Variants in UBE3B observed in about 807,000 individuals in gnomAD.
The protein encoded by UBE3B is ubiquitin-protein ligase E3B.
Under a neutral mutation model 132.3 loss-of-function variants are expected in UBE3B, and 80 were observed. The ratio of observed to expected loss-of-function variants is 0.60; its 90% CI spans 0.50 to 0.73. The LOEUF is 0.73. Ranked by LOEUF, UBE3B falls within the 30% of genes least tolerant of loss-of-function variation. The pLI, the probability that UBE3B is intolerant of heterozygous loss-of-function variation, is 0.00. For missense variants in UBE3B, 1,196 were observed against 1,362.5 expected, an observed-to-expected ratio of 0.88 and a Z score of 1.92; for synonymous variants, 487 against 520.4, an observed-to-expected ratio of 0.94 and a Z score of 0.87.
intron 9 of UBE3B, among the ~76,000 whole-genome samples, chr12:109,496,903 GT>G (rs924258103): frequency 1.3e-5 from 2 of 152,056 alleles, no homozygotes; most frequent in Admixed American, 6.6e-5. Flanking sequence ...CAACTTACCT[GT>G]TTTTTTCTTT....
chr12:109,488,699 A>C, intron 7 of UBE3B, 31 bp downstream of exon 7: 1 of 1,599,240 alleles, frequency 6.3e-7, no homozygotes, highest in Non-Finnish European at 8.6e-7. Context: ...AATGTTCTCT[A>C]ACCAACATTT....
rs938294496 is a variant in UBE3B at position 109,486,183 on chromosome 12, T to C, written c.342+112T>C. On this transcript the variant is annotated intron_variant, in intron 5 of 27. Coordinates refer to ENST00000342494, the MANE Select transcript of UBE3B (RefSeq NM_130466.4). The stretch of plus-strand genomic sequence containing the variant: ...CAATTCACACACAAATGCAAATAAG[T>C]AGTGGATGGAAAACATTACCAAAGT... 16 of 1,138,718 alleles carry C rather than the reference T, an allele frequency of 1.4e-5. No individual in the cohort carries two copies. The African/African-American group carries it at 2.2e-4, about 16-fold the overall frequency. 70.5% of individuals were successfully genotyped at this position (1,138,718 alleles called of 1,614,324 possible). A position where few individuals can be genotyped will look rare whatever the true frequency, so the allele number is the denominator to read the frequency against.
intron 23 of UBE3B, among the ~76,000 whole-genome samples, chr12:109,525,319 C>G (rs988269998): frequency 6.6e-6 from 1 of 152,208 alleles, no homozygotes; most frequent in Admixed American, 6.5e-5. Context: ...TAATCTCAAG[C>G]TTCCCTACAT....
At chr12:109,503,226 C>T in intron 14 of UBE3B, 36 bp downstream of exon 14, 1 of 1,597,362 alleles carries the variant, frequency 6.3e-7, no homozygotes, top group South Asian at 1.1e-5. Flanking sequence ...TCACCTCTCA[C>T]ATTTGGCAGA....
chr12:109,524,194 C>T (rs949421297), intron 22 of UBE3B, 79 bp downstream of exon 22: 443 of 1,577,656 alleles, frequency 2.8e-4, no homozygotes, highest in Non-Finnish European at 3.7e-4. Context: ...AGGAGATGGC[C>T]TGTCCTCTCT....
the UBE3B span, among the ~76,000 whole-genome samples, chr12:109,546,026 A>C: frequency 6.6e-6 from 1 of 152,144 alleles, no homozygotes; most frequent in Non-Finnish European, 1.5e-5. Context: ...TCATGTCCCA[A>C]CAGGCTGCAG....
intron 14 of UBE3B, among the ~76,000 whole-genome samples, chr12:109,503,602 A>AG (rs1879277665): frequency 6.6e-6 from 1 of 152,230 alleles, no homozygotes; most frequent in African/African-American, 2.4e-5. Context: ...ATACAGCACT[A>AG]TGCTTTCCTT....
downstream of UBE3B, among the ~76,000 whole-genome samples, chr12:109,537,848 G>A (rs747423628): frequency 3.4e-4 from 52 of 152,114 alleles, no homozygotes; most frequent in Admixed American, 7.9e-4. Flanking sequence ...GGGACTACAG[G>A]TGCCCGCCAC....
the UBE3B span, among the ~76,000 whole-genome samples, chr12:109,545,371 G>A: frequency 0.02 from 3,102 of 152,346 alleles, 52 homozygotes; most frequent in Middle Eastern, 0.048. Context: ...CCGTGCACAC[G>A]GTGGACGTGA....
Position 109,477,655 on chromosome 12 carries a change from C to T in UBE3B, c.-582C>T, listed in dbSNP as rs1047241162. The T allele has an allele frequency of 3.6e-5, 8 of 224,362 alleles. No homozygotes were observed. The highest frequency in any genetic ancestry group is 5.4e-5 in the Non-Finnish European group (6 of 111,516). 13.9% of individuals were successfully genotyped at this position (224,362 alleles called of 1,614,324 possible). On this transcript the variant is annotated 5_prime_UTR_variant, in exon 1 of 28. Transcript: ENST00000342494. ...AAGCGAACACCGCGGGGCAAGATGG[C>T]GGTAGTGCGTCGGCTGCTGCCCCGG...
chr12:109,486,674 A>G, intron 6 of UBE3B, 99 bp downstream of exon 6: 12 of 977,620 alleles, frequency 1.2e-5, no homozygotes, highest in Non-Finnish European at 1.5e-5. Context: ...AGTCACTATC[A>G]ACGAGAGTTG....
intron 8 of UBE3B, chr12:109,490,452 T>A (rs911006184): frequency 5.9e-6 from 9 of 1,535,124 alleles, no homozygotes. Context: ...GTCTTGAGTT[T>A]GAGAAGTAAT....
Position 109,521,830 on chromosome 12 carries a change from T to C in UBE3B, c.2364+279T>C, listed in dbSNP as rs1405329630. On this transcript the variant is annotated intron_variant, in intron 21 of 27. Transcript: ENST00000342494. The surrounding 1 kb of genome is among the most constrained non-coding windows in gnomAD (Gnocchi z 4.2). ...TTTGAGGAGTCACCTGTCCAGAGTTTCGTTGCTAGTTAAGTGGTAGAGGTG... is the reference window on the plus strand; with the variant it reads ...TTTGAGGAGTCACCTGTCCAGAGTTCCGTTGCTAGTTAAGTGGTAGAGGTG... 6.6e-6 allele frequency among the ~76,000 whole-genome samples: 1 copy of C among 152,126 alleles called. No homozygotes were observed. Among genetic ancestry groups the C allele is most frequent in the Non-Finnish European group, 1.5e-5 (1 of 68,016 alleles).
At position 109,483,620 on chromosome 12, in the gene UBE3B, G is replaced by T; in HGVS notation, c.69G>T (p.Arg23Ser). Reference protein sequence around the residue: ...IDRARQAREERLVQKERERAA... With the variant: ...IDRARQAREESLVQKERERAA... ...GAGCCCGTCAGGCACGAGAAGAAAG[G>T]CTTGTGCAGAAGGAACGGGAGCGGG... is the stretch of plus-strand genomic sequence containing the variant. Residue 23 changes from arginine (R) to serine (S), a missense_variant, in exon 3 of 28, where the codon AGG (arginine) becomes AGT (serine). Physicochemically the swap from Arg to Ser is moderately radical, Grantham distance 110. Transcript: ENST00000342494. 1.2e-6 allele frequency: 2 copies of T among 1,613,168 alleles called. No homozygotes were observed. The highest frequency in any genetic ancestry group is 8.5e-7 in the Non-Finnish European group (1 of 1,179,750).
chr12:109,516,624 T>G, intron 18 of UBE3B, 141 bp from the exon 19 acceptor site: 1 of 1,349,248 alleles, frequency 7.4e-7, no homozygotes, highest in Non-Finnish European at 1.0e-6. Flanking sequence ...CACAGGACAC[T>G]TCTAACTGGT....
rs1878504683 is a variant in UBE3B at position 109,498,348 on chromosome 12, T to C, written c.935T>C (p.Leu312Pro). The change falls in exon 11 of 28, where the codon CTA (leucine) becomes CCA (proline). Residue 312 changes from leucine (L) to proline (P), a missense_variant. By Grantham distance (98) the Leu-to-Pro change is moderately conservative. Coordinates refer to ENST00000342494, the MANE Select transcript of UBE3B (RefSeq NM_130466.4). ...TTAGAAGGATGCCATACGCTTTGTC[T>C]AATGGGTAAGTATCCGTGGCTGGAA... ...ESLEGCHTLC[L>P]MGNLLHLGSL... 1.9e-6 allele frequency: 3 copies of C among 1,613,644 alleles called. No homozygotes were observed. The highest frequency in any genetic ancestry group is 2.5e-6 in the Non-Finnish European group (3 of 1,179,748).
chr12:109,547,713 C>G, the UBE3B span, among the ~76,000 whole-genome samples: 2 of 152,196 alleles, frequency 1.3e-5, no homozygotes, highest in Admixed American at 1.3e-4. The surrounding 1 kb of genome is among the most constrained non-coding windows in gnomAD (Gnocchi z 4.1). Flanking sequence ...CCCCAACACA[C>G]GCCAAAACCC....
At chr12:109,486,863 T>A (rs547467016) in intron 6 of UBE3B, among the ~76,000 whole-genome samples, 1 of 152,208 alleles carries the variant, frequency 6.6e-6, no homozygotes, top group East Asian at 1.9e-4. Context: ...TACATTATTA[T>A]ACTAGTCAGG....
In UBE3B at chr12:109,477,747, G is replaced by A. The variant is rs1436203465; in HGVS notation, c.-490G>A. 2.4e-5 allele frequency: 4 copies of A among 168,984 alleles called. No individual in the cohort carries two copies. Among genetic ancestry groups the A allele is most frequent in the African/African-American group, 9.6e-5 (4 of 41,686 alleles). 10.5% of individuals were successfully genotyped at this position (168,984 alleles called of 1,614,324 possible). Reference sequence around the variant, plus strand: ...CTGCGGCCCCGACCCCAAGTGCGGGGACCTCCGGCGAATAAAGGTCGGCCT... The same window carrying A: ...CTGCGGCCCCGACCCCAAGTGCGGGAACCTCCGGCGAATAAAGGTCGGCCT... On this transcript the variant is annotated 5_prime_UTR_variant, in exon 1 of 28. Transcript: ENST00000342494.
Sources: allele counts gnomAD v4.1 joint callset (sites outside exome capture counted in the v4.1 genomes callset), GRCh38; gene constraint gnomAD v4.1.1; non-coding constraint Gnocchi (gnomAD v3.1); transcripts MANE v1.5; gene names NCBI Gene and HGNC (gene_info 2026-07-23, HGNC 2026-07-21).